Variants in SHANK2 observed in about 807,000 individuals in gnomAD.
SHANK2 encodes the protein SH3 and multiple ankyrin repeat domains 2, also known as SH3 and multiple ankyrin repeat domains protein 2.
SHANK2 carries 43 observed loss-of-function variants against 133.7 expected under a neutral mutation model. That is an observed-to-expected ratio of 0.32 (90% CI 0.25 to 0.41). The LOEUF (loss-of-function observed/expected upper bound fraction) is 0.41, where lower values mean the gene tolerates loss of function less well. SHANK2 is among the 10% of genes least tolerant of loss of function. The pLI is 1.00. For missense variants in SHANK2, 1,994 were observed against 2,235.8 expected, an observed-to-expected ratio of 0.89 and a Z score of 2.18; for synonymous variants, 1,017 against 952.8, an observed-to-expected ratio of 1.07 and a Z score of -1.24.
chr11:70,807,949 C>T lies in SHANK2; in HGVS notation c.1494-778G>A, dbSNP rs1555052377. Among the ~76,000 whole-genome samples the T allele has an allele frequency of 6.6e-6, 1 of 152,082 alleles. No homozygotes were observed. Among genetic ancestry groups the T allele is most frequent in the East Asian group, 1.9e-4 (1 of 5,182 alleles). Reference sequence around the variant, plus strand: ...CTGTGTGATCCCAGCCATGCGAGGGCCCGAGAGCAGTCAGATTCATGGACA... The same window carrying T: ...CTGTGTGATCCCAGCCATGCGAGGGTCCGAGAGCAGTCAGATTCATGGACA... On this transcript the variant is annotated intron_variant, in intron 12 of 25. Coordinates refer to ENST00000601538, the MANE Select transcript of SHANK2 (RefSeq NM_012309.5). This position sits in a 1 kb window ranked among gnomAD's most constrained non-coding sequence, Gnocchi z 4.8.
chr11:70,695,357 G>A (rs1232834301), intron 15 of SHANK2, among the ~76,000 whole-genome samples: 1 of 151,542 alleles, frequency 6.6e-6, no homozygotes, highest in African/African-American at 2.4e-5. Context: ...AAATGGGGGG[G>A]TGGGGAAAGA....
At chr11:70,537,562 G>T (rs568789532) in intron 17 of SHANK2, among the ~76,000 whole-genome samples, 1 of 152,330 alleles carries the variant, frequency 6.6e-6, no homozygotes, top group Admixed American at 6.5e-5. Context: ...GTCTTGGGAT[G>T]GCACGGGGCC....
At chr11:70,865,793 T>C (rs797029167) in intron 11 of SHANK2, among the ~76,000 whole-genome samples, 1 of 152,222 alleles carries the variant, frequency 6.6e-6, no homozygotes, top group African/African-American at 2.4e-5. Context: ...GATTCATTCA[T>C]TCATTCACTC....
chr11:70,801,376 G>A (rs555698450), intron 13 of SHANK2, among the ~76,000 whole-genome samples: 1 of 152,210 alleles, frequency 6.6e-6, no homozygotes, highest in Non-Finnish European at 1.5e-5. Flanking sequence ...GTGTGCCGAG[G>A]GTGCAGGGGA....
At position 70,496,547 on chromosome 11, in the gene SHANK2, C is replaced by T. The variant is rs1009612825; in HGVS notation, c.2308+4023G>A. ...AGGTGTCCTGGTCAATAATGACAGC[C>T]GTCCCTGAATCTGGTGGAAGTTCTG... On this transcript the variant is annotated intron_variant, in intron 21 of 25. Transcript: ENST00000601538. 7.2e-5 allele frequency among the ~76,000 whole-genome samples: 11 copies of T among 152,210 alleles called. No individual in the cohort carries two copies. The East Asian group carries it at 7.7e-4, about 11-fold the overall frequency.
chr11:70,924,537 A>G (rs781893605), intron 10 of SHANK2, among the ~76,000 whole-genome samples: 8 of 151,976 alleles, frequency 5.3e-5, no homozygotes, highest in Non-Finnish European at 8.8e-5. Flanking sequence ...GCTCACCACA[A>G]CCTCTGCCTC....
Position 70,854,984 on chromosome 11 carries a change from C to G in SHANK2, c.1175-34302G>C, listed in dbSNP as rs536520889. On this transcript the variant is annotated intron_variant, in intron 11 of 25. Transcript: ENST00000601538. ...CCCACGACTATCAGAAACCCACCCCCAGATGTTCATGACTGTCCATCAATC... is the reference window on the plus strand; with the variant it reads ...CCCACGACTATCAGAAACCCACCCCGAGATGTTCATGACTGTCCATCAATC... 4.6e-5 allele frequency among the ~76,000 whole-genome samples: 7 copies of G among 152,348 alleles called. No homozygotes were observed. In the South Asian group the frequency reaches 6.2e-4, roughly 14 times the overall value.
chr11:71,158,180 T>C (rs192839004), intron 2 of SHANK2, among the ~76,000 whole-genome samples: 1 of 152,298 alleles, frequency 6.6e-6, no homozygotes, highest in East Asian at 1.9e-4. Flanking sequence ...TATTTTCAGA[T>C]AATATGCTTC....
chr11:70,637,897 G>A (rs1398413054), intron 17 of SHANK2, among the ~76,000 whole-genome samples: 1 of 152,212 alleles, frequency 6.6e-6, no homozygotes, highest in Non-Finnish European at 1.5e-5. Context: ...GGGTCTGCGA[G>A]CTGCCCACAG....
chr11:70,949,634 T>C lies in SHANK2; in HGVS notation c.1108-53067A>G, dbSNP rs782146791. Among the ~76,000 whole-genome samples, 3 of 152,118 alleles carry C rather than the reference T, an allele frequency of 2.0e-5. No individual in the cohort carries two copies. In the East Asian group the frequency reaches 5.8e-4, roughly 29 times the overall value. ...ACGGTTGGAGTGTTTGCAGGGATCA[T>C]GGGGGGCCGGCTGGACACAACCACC... On this transcript the variant is annotated intron_variant, in intron 10 of 25. Transcript: ENST00000601538.
At chr11:71,217,448 G>A (rs1555120134) in intron 2 of SHANK2, among the ~76,000 whole-genome samples, 3 of 151,920 alleles carry the variant, frequency 2.0e-5, no homozygotes, top group Non-Finnish European at 4.4e-5. Context: ...AGGCTGCAGT[G>A]AGCCGAGATC....
chr11:70,722,340 C>T (rs147389939), intron 14 of SHANK2, among the ~76,000 whole-genome samples: 2 of 152,334 alleles, frequency 1.3e-5, no homozygotes, highest in African/African-American at 2.4e-5. Context: ...TCAGCAATAC[C>T]TCTTGGTTCT....
chr11:70,668,609 A>G (rs551180668), intron 15 of SHANK2: 1 of 152,508 alleles, frequency 6.6e-6, no homozygotes, highest in East Asian at 1.9e-4. Flanking sequence ...AGTGAGGAAG[A>G]TAAACATCAA....
rs187139804 is a variant in SHANK2, at chr11:71,146,944, C to T, written c.207+176G>A. Among the ~76,000 whole-genome samples the T allele has an allele frequency of 2.0e-4, 30 of 151,504 alleles. 1 individual carries two copies. The highest frequency in any genetic ancestry group is 1.3e-3 in the South Asian group (6 of 4,752). On this transcript the variant is annotated intron_variant, in intron 3 of 25. Transcript: ENST00000601538. ...GGCCAGCGGCAGCAGGGAGGGGAGG[C>T]GGGCACGGCAGGGAGCCTGGGGGGA...
chr11:71,059,773 G>T (rs1446951323), intron 9 of SHANK2, among the ~76,000 whole-genome samples: 3 of 152,194 alleles, frequency 2.0e-5, no homozygotes, highest in African/African-American at 7.2e-5. Flanking sequence ...AGTAAAGGCC[G>T]CCCCGTCTCT....
At chr11:70,867,127 A>G (rs1453045787) in intron 11 of SHANK2, among the ~76,000 whole-genome samples, 1 of 151,656 alleles carries the variant, frequency 6.6e-6, no homozygotes, top group Non-Finnish European at 1.5e-5. Flanking sequence ...AAAAAAAAAA[A>G]AAAAAAAGAG....
intron 3 of SHANK2, among the ~76,000 whole-genome samples, chr11:71,120,767 G>A (rs1555101341): frequency 3.3e-5 from 5 of 152,206 alleles, no homozygotes; most frequent in Non-Finnish European, 7.3e-5. Context: ...TATCAGGTGT[G>A]ACCAGGTGGG....
At chr11:70,857,445 C>T (rs1274558140) in intron 11 of SHANK2, among the ~76,000 whole-genome samples, 1 of 152,174 alleles carries the variant, frequency 6.6e-6, no homozygotes, top group Non-Finnish European at 1.5e-5. Flanking sequence ...TCTGGCCTTC[C>T]CTAGCACAGG....
At chr11:70,497,949 C>T (rs1191033136) in intron 21 of SHANK2, among the ~76,000 whole-genome samples, 2 of 152,264 alleles carry the variant, frequency 1.3e-5, no homozygotes, top group Non-Finnish European at 2.9e-5. Context: ...TGGGAGCCAG[C>T]CCCATTGAGG....
Sources: gnomAD v4.1 joint callset for allele counts (sites outside exome capture counted in the v4.1 genomes callset) on GRCh38, gnomAD v4.1.1 for gene constraint, Gnocchi (gnomAD v3.1) non-coding constraint, MANE v1.5 for transcripts, NCBI Gene and HGNC (gene_info 2026-07-23, HGNC 2026-07-21) for gene names.